Variants in RBBP8 observed in about 807,000 individuals in gnomAD.
RBBP8 encodes the protein RB binding protein 8, endonuclease.
In RBBP8, 88 loss-of-function variants were observed where a neutral mutation model predicts 108.3. The observed-to-expected ratio is 0.81, with a 90% confidence interval of 0.68 to 0.97. The LOEUF (loss-of-function observed/expected upper bound fraction) is 0.97, where lower values mean the gene tolerates loss of function less well. Ranked by LOEUF, RBBP8 falls within the 50% of genes least tolerant of loss-of-function variation. The pLI, the probability that RBBP8 is intolerant of heterozygous loss-of-function variation, is 0.00. For synonymous variants in RBBP8, 332 were observed against 348.2 expected (o/e 0.95, Z 0.52); for missense variants, 1,023 against 1,049.0 (o/e 0.98, Z 0.34).
At chr18:22,945,864 A>T (rs1219923826) in intron 2 of RBBP8, among the ~76,000 whole-genome samples, 1 of 152,064 alleles carries the variant, frequency 6.6e-6, no homozygotes, top group Non-Finnish European at 1.5e-5. Context: ...TTTTGTCCAT[A>T]TCCTTCCTTG....
intron 12 of RBBP8, 81 bp from the exon 13 acceptor site, chr18:22,996,293 C>T: frequency 6.4e-7 from 1 of 1,569,464 alleles, no homozygotes; most frequent in Non-Finnish European, 8.6e-7. Context: ...ATTTTCTATT[C>T]TTTAGGTCCC....
intron 2 of RBBP8, 127 bp from the exon 3 acceptor site, chr18:22,946,317 G>T (rs1911553803): frequency 1.6e-6 from 2 of 1,266,772 alleles, no homozygotes; most frequent in East Asian, 5.0e-5. Context: ...CACGTAAGGG[G>T]CATATACTGT....
chr18:22,937,497 T>A (rs1007460682), intron 2 of RBBP8, among the ~76,000 whole-genome samples: 47 of 152,050 alleles, frequency 3.1e-4, no homozygotes, highest in Non-Finnish European at 5.4e-4. Flanking sequence ...TTTTTTTTTT[T>A]TTATTTTTTT....
intron 3 of RBBP8, among the ~76,000 whole-genome samples, chr18:22,917,997 C>A (rs111790216): frequency 6.0e-3 from 722 of 120,588 alleles, no homozygotes; most frequent in East Asian, 0.011. Context: ...GACTCCGTCT[C>A]AAAAAAAAAA....
intron 16 of RBBP8, among the ~76,000 whole-genome samples, chr18:23,011,827 G>A (rs1240096214): frequency 6.6e-6 from 1 of 151,998 alleles, no homozygotes; most frequent in Non-Finnish European, 1.5e-5. Flanking sequence ...TGTGTGTTCT[G>A]GCTGCTCCAC....
At position 22,967,596 on chromosome 18, in the gene RBBP8, T is replaced by C. The variant is rs570214283; in HGVS notation, c.249-1210T>C. On this transcript the variant is annotated intron_variant, in intron 4 of 18. Transcript: ENST00000327155. ...CTCTTCCTCACCTGCTTGTGTGATA[T>C]GTGTTTTTCTCTTCAACAGTCACAA... Among the ~76,000 whole-genome samples, 11 of 152,212 alleles carry C rather than the reference T, an allele frequency of 7.2e-5. No individual in the cohort carries two copies. In the South Asian group the frequency reaches 2.1e-3, roughly 29 times the overall value.
intron 1 of RBBP8, 52 bp downstream of exon 1, chr18:22,933,616 T>C (rs1407126228): frequency 6.6e-6 from 1 of 152,382 alleles, no homozygotes; most frequent in Non-Finnish European, 1.5e-5. Context: ...TCGGAGCGAC[T>C]GCTTCTGGTC....
At chr18:22,954,423 A>C (rs183557708) in intron 4 of RBBP8, among the ~76,000 whole-genome samples, 1 of 152,330 alleles carries the variant, frequency 6.6e-6, no homozygotes, top group East Asian at 1.9e-4. Flanking sequence ...AGGGCAGTCA[A>C]ATTTTAAAAC....
chr18:23,000,621 A>G (rs1414120869), intron 14 of RBBP8, among the ~76,000 whole-genome samples: 2 of 151,876 alleles, frequency 1.3e-5, no homozygotes, highest in Non-Finnish European at 2.9e-5. Context: ...GCACACCTCT[A>G]ATTCCAGCTA....
In RBBP8 at chr18:22,993,494, A is replaced by G; in HGVS notation, c.1667A>G (p.Gln556Arg). 1 of 1,613,924 alleles carries G rather than the reference A, an allele frequency of 6.2e-7. No homozygotes were observed. The highest frequency in any genetic ancestry group is 8.5e-7 in the Non-Finnish European group (1 of 1,179,958). Reference sequence around the variant, plus strand: ...GATTCCCCAGGGGAGCCCTGTTCACAGGAATGCATCATCCTTCAGCCCTTG... The same window carrying G: ...GATTCCCCAGGGGAGCCCTGTTCACGGGAATGCATCATCCTTCAGCCCTTG... Reference protein sequence around the residue: ...PKDSPGEPCSQECIILQPLNK... With the variant: ...PKDSPGEPCSRECIILQPLNK... The change falls in exon 11 of 19, where the codon CAG becomes CGG. Residue 556 changes from glutamine (Q) to arginine (R), a missense_variant. Gln to Arg is a conservative substitution (Grantham distance 43, BLOSUM62 1). Transcript: ENST00000327155.
chr18:22,921,303 C>G (rs1211317667), intron 3 of RBBP8, among the ~76,000 whole-genome samples: 1 of 152,222 alleles, frequency 6.6e-6, no homozygotes, highest in Non-Finnish European at 1.5e-5. Context: ...AGCCATCAAA[C>G]TACCCCAGAA....
intron 16 of RBBP8, among the ~76,000 whole-genome samples, chr18:23,008,605 T>C (rs533371369): frequency 1.1e-4 from 16 of 152,186 alleles, no homozygotes; most frequent in Non-Finnish European, 1.9e-4. Flanking sequence ...CATAGGTTTC[T>C]TGCTTCTGTT....
At chr18:22,992,306 G>A (rs1041769844) in intron 10 of RBBP8, among the ~76,000 whole-genome samples, 2 of 152,106 alleles carry the variant, frequency 1.3e-5, no homozygotes, top group African/African-American at 2.4e-5. Context: ...AGTGATTCTC[G>A]TGCCTTAGCC....
At chr18:22,956,306 T>A (rs192152643) in intron 4 of RBBP8, among the ~76,000 whole-genome samples, 140 of 150,810 alleles carry the variant, frequency 9.3e-4, no homozygotes, top group African/African-American at 3.3e-3. Context: ...ATTTTGTTAA[T>A]TTTTTTTTCT....
At chr18:22,988,635 T>C (rs1915484647) in intron 8 of RBBP8, among the ~76,000 whole-genome samples, 1 of 152,236 alleles carries the variant, frequency 6.6e-6, no homozygotes, top group Non-Finnish European at 1.5e-5. Context: ...CACATTCTAT[T>C]GCAGTTCTCT....
chr18:23,022,339 G>A (rs747831026), intron 18 of RBBP8, 69 bp downstream of exon 18: 44 of 1,460,268 alleles, frequency 3.0e-5, no homozygotes, highest in South Asian at 2.9e-4. Flanking sequence ...AGTGGCTCAC[G>A]CCTATAATCC....
At chr18:22,981,702 G>A (rs529182589) in intron 6 of RBBP8, among the ~76,000 whole-genome samples, 7 of 152,130 alleles carry the variant, frequency 4.6e-5, no homozygotes, top group African/African-American at 1.7e-4. Context: ...AGTTCAGACC[G>A]CAGACAGAGC....
In RBBP8 at chr18:23,001,732, A is replaced by G. The variant is rs2045952060; in HGVS notation, c.2287+3A>G. ...TACTGCCACAAAGAAACTACACAGT[A>G]AGATTTTTTTCTGTTTAATTATGGC... is the stretch of plus-strand genomic sequence containing the variant. On this transcript the variant is annotated splice_donor_region_variant and intron_variant, in intron 15 of 18. Transcript: ENST00000327155. 3.1e-6 allele frequency: 5 copies of G among 1,614,148 alleles called. No homozygotes were observed. In the African/African-American group the frequency reaches 5.3e-5, roughly 17 times the overall value.
At chr18:22,986,510 G>A (rs1440952086) in intron 8 of RBBP8, among the ~76,000 whole-genome samples, 1 of 152,146 alleles carries the variant, frequency 6.6e-6, no homozygotes, top group Non-Finnish European at 1.5e-5. Flanking sequence ...GTAAAGAGGA[G>A]GAGAGAACAG....
Sources: gnomAD v4.1 joint callset for allele counts (sites outside exome capture counted in the v4.1 genomes callset) on GRCh38, gnomAD v4.1.1 for gene constraint, MANE v1.5 for transcripts, NCBI Gene and HGNC (gene_info 2026-07-23, HGNC 2026-07-21) for gene names.